Variants in SPAG16 observed in about 807,000 individuals in gnomAD.
SPAG16 encodes sperm-associated antigen 16 protein.
In SPAG16, 86 loss-of-function variants were observed where a neutral mutation model predicts 80.4. That is an observed-to-expected ratio of 1.07 (90% CI 0.90 to 1.28). The LOEUF is 1.28. Ranked by LOEUF, SPAG16 falls within the 50% of genes most tolerant of loss-of-function variation. The probability of loss-of-function intolerance (pLI) is 0.00; values close to 1 mark genes in which losing one functional copy is unlikely to be tolerated. For synonymous variants in SPAG16, 294 were observed against 265.9 expected (o/e 1.11, Z -1.03); for missense variants, 870 against 765.3 (o/e 1.14, Z -1.61).
intron 10 of SPAG16, among the ~76,000 whole-genome samples, chr2:213,723,219 A>T (rs2066607483): frequency 6.6e-6 from 1 of 152,170 alleles, no homozygotes; most frequent in Admixed American, 6.5e-5. Context: ...ACTCTTTATC[A>T]TCCAGTAAGT....
chr2:213,484,059 T>C (rs2073869621), intron 9 of SPAG16, among the ~76,000 whole-genome samples: 1 of 152,042 alleles, frequency 6.6e-6, no homozygotes, highest in Admixed American at 6.5e-5. Flanking sequence ...TGAATGTTTA[T>C]GGTTGTACAT....
intron 10 of SPAG16, among the ~76,000 whole-genome samples, chr2:213,510,001 C>T (rs1297370549): frequency 6.6e-6 from 1 of 152,020 alleles, no homozygotes; most frequent in Non-Finnish European, 1.5e-5. Flanking sequence ...ACCGATCCTA[C>T]AGAAATACAA....
chr2:213,697,705 C>A (rs113372521), intron 10 of SPAG16, among the ~76,000 whole-genome samples: 1 of 152,166 alleles, frequency 6.6e-6, no homozygotes, highest in Non-Finnish European at 1.5e-5. Context: ...TGTGTTGCAG[C>A]AGCAATAGGA....
At chr2:213,832,809 C>T (rs1410521863) in intron 10 of SPAG16, among the ~76,000 whole-genome samples, 1 of 152,116 alleles carries the variant, frequency 6.6e-6, no homozygotes, top group Non-Finnish European at 1.5e-5. Flanking sequence ...TCTGAAGGCC[C>T]TCACGTATGT....
At chr2:213,917,314 A>G (rs1387349879) in intron 11 of SPAG16, among the ~76,000 whole-genome samples, 1 of 152,154 alleles carries the variant, frequency 6.6e-6, no homozygotes, top group Non-Finnish European at 1.5e-5. Flanking sequence ...TGTGAAGAAT[A>G]TCATTGGTAC....
At chr2:213,979,985 C>T (rs2106409931) in intron 12 of SPAG16, among the ~76,000 whole-genome samples, 1 of 151,962 alleles carries the variant, frequency 6.6e-6, no homozygotes, top group Middle Eastern at 3.4e-3. Flanking sequence ...TTCCAGATTA[C>T]TATGTTTTTG....
chr2:214,134,307 G>A (rs1262718946), intron 14 of SPAG16, among the ~76,000 whole-genome samples: 3 of 152,068 alleles, frequency 2.0e-5, no homozygotes, highest in Non-Finnish European at 4.4e-5. Flanking sequence ...CATTCTCACA[G>A]CACAACTTGG....
At chr2:213,832,038 C>A (rs2125719370) in intron 10 of SPAG16, among the ~76,000 whole-genome samples, 1 of 151,928 alleles carries the variant, frequency 6.6e-6, no homozygotes, top group East Asian at 1.9e-4. Context: ...ACTCTGTCAC[C>A]CAGGATGGAG....
intron 15 of SPAG16, among the ~76,000 whole-genome samples, chr2:214,262,711 G>T (rs895716618): frequency 2.0e-5 from 3 of 151,640 alleles, no homozygotes; most frequent in Non-Finnish European, 4.4e-5. Flanking sequence ...ATCTTATTTG[G>T]CTCTAAAAGT....
intron 13 of SPAG16, among the ~76,000 whole-genome samples, chr2:214,028,436 C>T (rs1046862464): frequency 2.0e-5 from 3 of 152,062 alleles, no homozygotes; most frequent in African/African-American, 7.2e-5. Flanking sequence ...GAATTCTCAA[C>T]TGAATAGAAT....
intron 10 of SPAG16, among the ~76,000 whole-genome samples, chr2:213,494,874 T>C (rs2074412064): frequency 6.6e-6 from 1 of 152,214 alleles, no homozygotes; most frequent in Admixed American, 6.5e-5. Context: ...CACTTATTCC[T>C]ACTCCAAGGT....
intron 9 of SPAG16, among the ~76,000 whole-genome samples, chr2:213,467,924 G>A (rs1177663633): frequency 6.6e-6 from 1 of 152,150 alleles, no homozygotes; most frequent in Non-Finnish European, 1.5e-5. Context: ...TTTTAAGCCT[G>A]CAAGGCAGCT....
At chr2:213,387,555 C>T (rs1202526711) in intron 9 of SPAG16, among the ~76,000 whole-genome samples, 1 of 82,694 alleles carries the variant, frequency 1.2e-5, no homozygotes, top group Non-Finnish European at 2.2e-5. Flanking sequence ...CCCGGGTTCA[C>T]GCCATTCTCC....
intron 10 of SPAG16, among the ~76,000 whole-genome samples, chr2:213,829,327 A>G (rs1452573439): frequency 6.6e-6 from 1 of 152,062 alleles, no homozygotes; most frequent in East Asian, 1.9e-4. Context: ...ATGTGCACAT[A>G]AGGCTCAAGT....
At chr2:213,667,798 T>C (rs987154973) in intron 10 of SPAG16, among the ~76,000 whole-genome samples, 5 of 152,204 alleles carry the variant, frequency 3.3e-5, no homozygotes, top group African/African-American at 1.2e-4. Context: ...AGAAATGTGG[T>C]CACTGGACAT....
At chr2:214,037,864 GGT>G (rs35564156) in intron 13 of SPAG16, among the ~76,000 whole-genome samples, 5,346 of 133,440 alleles carry the variant, frequency 0.04, 278 homozygotes, top group Admixed American at 0.16. Context: ...CCAGAAGCCT[GGT>G]GTGTGTGTGT....
At chr2:213,994,908 A>C (rs1287661274) in intron 12 of SPAG16, among the ~76,000 whole-genome samples, 1 of 152,158 alleles carries the variant, frequency 6.6e-6, no homozygotes, top group East Asian at 1.9e-4. Flanking sequence ...TCACTATCTT[A>C]TTTGCATCTT....
intron 12 of SPAG16, among the ~76,000 whole-genome samples, chr2:213,939,818 A>G (rs1221082712): frequency 6.6e-6 from 1 of 152,178 alleles, no homozygotes; most frequent in East Asian, 1.9e-4. Context: ...AGCAATAACA[A>G]ATAGAGATAA....
intron 10 of SPAG16, among the ~76,000 whole-genome samples, chr2:213,547,227 T>A (rs1575923189): frequency 6.6e-6 from 1 of 152,226 alleles, no homozygotes; most frequent in South Asian, 2.1e-4. Context: ...ACCACCTTTT[T>A]ATAGTCTTGA....
Sources: gnomAD v4.1 joint callset for allele counts (sites outside exome capture counted in the v4.1 genomes callset) on GRCh38, gnomAD v4.1.1 for gene constraint, MANE v1.5 for transcripts, NCBI Gene and HGNC (gene_info 2026-07-23, HGNC 2026-07-21) for gene names.